Variants in SPAG16 observed in about 807,000 individuals in gnomAD.
SPAG16 encodes the protein sperm associated antigen 16.
A neutral mutation model predicts 80.4 loss-of-function variants in SPAG16; 86 were observed. The observed-to-expected ratio is 1.07, with a 90% CI of 0.90 to 1.28. SPAG16 has a LOEUF of 1.28. Ranked by LOEUF, SPAG16 falls within the 50% of genes most tolerant of loss-of-function variation. The pLI, the probability that SPAG16 is intolerant of heterozygous loss-of-function variation, is 0.00. For synonymous variants in SPAG16, 294 were observed against 265.9 expected (o/e 1.11, Z -1.03); for missense variants, 870 against 765.3 (o/e 1.14, Z -1.61).
chr2:213,662,677 T>G (rs1408848274), intron 10 of SPAG16, among the ~76,000 whole-genome samples: 1 of 152,124 alleles, frequency 6.6e-6, no homozygotes, highest in Non-Finnish European at 1.5e-5. Flanking sequence ...TTCATTGCAT[T>G]CAGTAATAAT....
chr2:213,902,238 G>A (rs2077248757), intron 11 of SPAG16, among the ~76,000 whole-genome samples: 1 of 152,198 alleles, frequency 6.6e-6, no homozygotes, highest in Admixed American at 6.5e-5. Flanking sequence ...CCACAAAACT[G>A]TGGGAGCTTG....
intron 10 of SPAG16, among the ~76,000 whole-genome samples, chr2:213,646,252 T>G (rs982128479): frequency 6.6e-6 from 1 of 152,210 alleles, no homozygotes; most frequent in African/African-American, 2.4e-5. Context: ...AAGGTGTTTC[T>G]TCAGTGTAGA....
Position 214,202,009 on chromosome 2 carries a change from C to G in SPAG16, c.1720+52743C>G, listed in dbSNP as rs1464248819. Among the ~76,000 whole-genome samples the G allele has an allele frequency of 2.0e-5, 3 of 152,050 alleles. No homozygotes were observed. In the East Asian group the frequency reaches 5.8e-4, roughly 29 times the overall value. On this transcript the variant is annotated intron_variant, in intron 15 of 15. Transcript: ENST00000331683. ...TACAGGCATACACCACCATGCCTGG[C>G]TAATATTTGTAATTTTGTGTAGAAA...
rs571134669 is a variant in SPAG16 at position 214,070,435 on chromosome 2, T to C, written c.1528-37761T>C. ...AAGCCAGTTGTCCAAAGGCTACTTATCAAATGTCATTCTTTCTCCACTGCT... is the reference window on the plus strand; with the variant it reads ...AAGCCAGTTGTCCAAAGGCTACTTACCAAATGTCATTCTTTCTCCACTGCT... On this transcript the variant is annotated intron_variant, in intron 13 of 15. Transcript: ENST00000331683. 2.0e-5 allele frequency among the ~76,000 whole-genome samples: 3 copies of C among 152,232 alleles called. No individual in the cohort carries two copies. In the South Asian group the frequency reaches 6.2e-4, roughly 32 times the overall value.
intron 10 of SPAG16, among the ~76,000 whole-genome samples, chr2:213,541,294 T>C (rs779232807): frequency 1.3e-5 from 2 of 152,078 alleles, no homozygotes; most frequent in Non-Finnish European, 2.9e-5. Context: ...TTAGGACGCA[T>C]AGAGTGAAAA....
chr2:213,761,097 G>A (rs940330891), intron 10 of SPAG16, among the ~76,000 whole-genome samples: 2 of 152,120 alleles, frequency 1.3e-5, no homozygotes, highest in South Asian at 2.1e-4. Context: ...CCATAGCAAG[G>A]ATGAAGTTAG....
intron 10 of SPAG16, among the ~76,000 whole-genome samples, chr2:213,680,079 A>G (rs767064449): frequency 1.7e-4 from 26 of 152,164 alleles, no homozygotes; most frequent in Non-Finnish European, 1.5e-4. Flanking sequence ...GTTGCACTCA[A>G]AAGCAGAAGG....
intron 15 of SPAG16, among the ~76,000 whole-genome samples, chr2:214,297,045 TACC>T (rs1391392249): frequency 6.6e-6 from 1 of 152,196 alleles, no homozygotes; most frequent in Non-Finnish European, 1.5e-5. Context: ...GGTTCATGTA[TACC>T]CAGCAGAACC....
At chr2:213,669,054 T>A (rs1222216477) in intron 10 of SPAG16, among the ~76,000 whole-genome samples, 1 of 152,240 alleles carries the variant, frequency 6.6e-6, no homozygotes, top group African/African-American at 2.4e-5. Flanking sequence ...ATAAAAATAC[T>A]TATGATTTTC....
At chr2:213,600,460 C>T (rs2061024418) in intron 10 of SPAG16, among the ~76,000 whole-genome samples, 1 of 152,128 alleles carries the variant, frequency 6.6e-6, no homozygotes, top group Admixed American at 6.5e-5. Context: ...CATATATTTG[C>T]TTAACAAATG....
At chr2:213,532,031 C>T (rs568215070) in intron 10 of SPAG16, among the ~76,000 whole-genome samples, 13 of 152,122 alleles carry the variant, frequency 8.5e-5, no homozygotes, top group Non-Finnish European at 1.9e-4. Context: ...AAAATACTGG[C>T]ATCAAGAAAT....
chr2:214,276,664 G>C (rs925167825), intron 15 of SPAG16, among the ~76,000 whole-genome samples: 1 of 152,230 alleles, frequency 6.6e-6, no homozygotes, highest in African/African-American at 2.4e-5. Context: ...GAGATCTGCT[G>C]TTAGTCTGAT....
chr2:214,336,153 G>C (rs1312011205), intron 15 of SPAG16, among the ~76,000 whole-genome samples: 2 of 152,186 alleles, frequency 1.3e-5, no homozygotes, highest in Admixed American at 6.5e-5. Flanking sequence ...TTGGAAGGAA[G>C]ACAATATTAA....
intron 9 of SPAG16, among the ~76,000 whole-genome samples, chr2:213,404,102 G>T (rs1380274981): frequency 2.0e-5 from 3 of 152,072 alleles, no homozygotes; most frequent in Admixed American, 6.6e-5. Context: ...TGGGTAGGAA[G>T]AATCAATATC....
At chr2:214,214,525 CA>C (rs1385700187) in intron 15 of SPAG16, among the ~76,000 whole-genome samples, 1 of 152,032 alleles carries the variant, frequency 6.6e-6, no homozygotes, top group Non-Finnish European at 1.5e-5. Flanking sequence ...TTCTCTATTC[CA>C]GGCCTGTAGG....
intron 15 of SPAG16, among the ~76,000 whole-genome samples, chr2:214,168,144 C>A (rs527698335): frequency 6.6e-6 from 1 of 151,844 alleles, no homozygotes; most frequent in South Asian, 2.1e-4. Flanking sequence ...CATGCACCAC[C>A]ACACCCAGCT....
chr2:213,680,536 A>G (rs1007120712), intron 10 of SPAG16, among the ~76,000 whole-genome samples: 22 of 152,038 alleles, frequency 1.4e-4, no homozygotes, highest in South Asian at 2.1e-4. Flanking sequence ...CTAAACCTGT[A>G]TTCTATGTTC....
intron 10 of SPAG16, among the ~76,000 whole-genome samples, chr2:213,616,826 T>G (rs1220401994): frequency 6.6e-6 from 1 of 152,162 alleles, no homozygotes; most frequent in Non-Finnish European, 1.5e-5. Flanking sequence ...TCTGGCTAAT[T>G]TAAACAAACA....
At chr2:213,787,970 A>G (rs2070447368) in intron 10 of SPAG16, among the ~76,000 whole-genome samples, 1 of 152,040 alleles carries the variant, frequency 6.6e-6, no homozygotes, top group Non-Finnish European at 1.5e-5. Flanking sequence ...AGACTAACAT[A>G]TATGTGCAAA....
Sources: gnomAD v4.1 joint callset for allele counts (sites outside exome capture counted in the v4.1 genomes callset) on GRCh38, gnomAD v4.1.1 for gene constraint, MANE v1.5 for transcripts, NCBI Gene and HGNC (gene_info 2026-07-23, HGNC 2026-07-21) for gene names.